Variants in CHN2 observed in about 807,000 individuals in gnomAD.
CHN2 encodes beta-chimaerin.
In CHN2, 35 loss-of-function variants were observed where a neutral mutation model predicts 56.3. That is an observed-to-expected ratio of 0.62 (90% confidence interval 0.47 to 0.82). The LOEUF (loss-of-function observed/expected upper bound fraction) is 0.82, where lower values mean the gene tolerates loss of function less well. Among genes scored for constraint, CHN2 ranks in the 40% least tolerant of loss-of-function variants. CHN2 has a pLI of 0.00. For synonymous variants in CHN2, 210 were observed against 212.8 expected, an observed-to-expected ratio of 0.99 and a Z score of 0.12; for missense variants, 491 against 580.5, an observed-to-expected ratio of 0.85 and a Z score of 1.58.
chr7:29,429,501 G>A (rs1340697755), intron 6 of CHN2, among the ~76,000 whole-genome samples: 1 of 152,166 alleles, frequency 6.6e-6, no homozygotes, highest in African/African-American at 2.4e-5. Flanking sequence ...TATAAGTTGA[G>A]AAATTGATGA....
chr7:29,182,198 G>A (rs1212098845), intron 2 of CHN2, among the ~76,000 whole-genome samples: 1 of 152,148 alleles, frequency 6.6e-6, no homozygotes, highest in Admixed American at 6.5e-5. Flanking sequence ...ATTATAAGAT[G>A]GTGACAGGAT....
chr7:29,278,296 A>G (rs908744679), intron 1 of CHN2, among the ~76,000 whole-genome samples: 2 of 152,162 alleles, frequency 1.3e-5, no homozygotes, highest in Non-Finnish European at 1.5e-5. Context: ...GGTTTCGCCA[A>G]CTTTTTCTGT....
intron 1 of CHN2, among the ~76,000 whole-genome samples, chr7:29,294,820 TATGC>T: frequency 6.6e-6 from 1 of 152,336 alleles, no homozygotes; most frequent in East Asian, 1.9e-4. Context: ...CTTCTCTATT[TATGC>T]TTGCTGAAAT....
chr7:29,352,261 C>G (rs1052416013), intron 1 of CHN2, among the ~76,000 whole-genome samples: 3 of 152,020 alleles, frequency 2.0e-5, no homozygotes, highest in Non-Finnish European at 4.4e-5. Flanking sequence ...GTTGTGCTTG[C>G]GTCATAGAGT....
chr7:29,300,646 C>CT (rs1215084603), intron 1 of CHN2, among the ~76,000 whole-genome samples: 1 of 152,204 alleles, frequency 6.6e-6, no homozygotes, highest in Non-Finnish European at 1.5e-5. Flanking sequence ...AGTGTTCAGA[C>CT]TTGAAAAGTT....
At chr7:29,429,336 G>T (rs1457980807) in intron 6 of CHN2, among the ~76,000 whole-genome samples, 1 of 152,196 alleles carries the variant, frequency 6.6e-6, no homozygotes, top group Non-Finnish European at 1.5e-5. Flanking sequence ...TTAGAATCAG[G>T]TGGTATTGCA....
In CHN2 at chr7:29,459,896, G is replaced by T. The variant is rs778992885; in HGVS notation, c.577-20383G>T. ...AAGAAGAGGCAGAGAAGAGGAAAGAGGAGCAGGACGGGGAGGAGGCATCGA... is the reference window on the plus strand; with the variant it reads ...AAGAAGAGGCAGAGAAGAGGAAAGATGAGCAGGACGGGGAGGAGGCATCGA... On this transcript the variant is annotated intron_variant, in intron 6 of 12. Coordinates refer to ENST00000222792, the MANE Select transcript of CHN2 (RefSeq NM_004067.4). 7.2e-5 allele frequency among the ~76,000 whole-genome samples: 11 copies of T among 152,326 alleles called. 1 individual carries two copies. The highest frequency in any genetic ancestry group is 2.0e-4 in the Admixed American group (3 of 15,302).
chr7:29,286,997 C>T (rs774150186), intron 1 of CHN2, among the ~76,000 whole-genome samples: 1 of 152,156 alleles, frequency 6.6e-6, no homozygotes, highest in Non-Finnish European at 1.5e-5. Flanking sequence ...CATTTACCAT[C>T]TCTAATAACT....
At chr7:29,454,559 C>G (rs1040323746) in intron 6 of CHN2, among the ~76,000 whole-genome samples, 2 of 152,190 alleles carry the variant, frequency 1.3e-5, no homozygotes, top group Admixed American at 6.5e-5. Flanking sequence ...GTAACAACCC[C>G]CAGATGTCAG....
chr7:29,261,779 T>C (rs1789575333), intron 1 of CHN2, among the ~76,000 whole-genome samples: 1 of 152,182 alleles, frequency 6.6e-6, no homozygotes, highest in South Asian at 2.1e-4. Context: ...TCTGCACAGT[T>C]TAGTGGTTAT....
At chr7:29,241,648 TTAA>T (rs1159005995) in intron 1 of CHN2, among the ~76,000 whole-genome samples, 3 of 151,972 alleles carry the variant, frequency 2.0e-5, no homozygotes, top group African/African-American at 7.2e-5. Context: ...ACACTTTTCC[TTAA>T]AGGGTGAAGG....
At chr7:29,203,356 A>G (rs1173028758) in intron 1 of CHN2, among the ~76,000 whole-genome samples, 1 of 150,566 alleles carries the variant, frequency 6.6e-6, no homozygotes, top group Admixed American at 6.7e-5. Context: ...AATCCCAGCT[A>G]TTCAGGAGGC....
At chr7:29,171,233 C>A (rs759489520) in intron 2 of CHN2, among the ~76,000 whole-genome samples, 1 of 152,144 alleles carries the variant, frequency 6.6e-6, no homozygotes, top group Non-Finnish European at 1.5e-5. Context: ...TCACCTAATA[C>A]GCGTCCTACT....
intron 2 of CHN2, among the ~76,000 whole-genome samples, chr7:29,366,494 G>T (rs1036669705): frequency 6.6e-6 from 1 of 152,206 alleles, no homozygotes; most frequent in Non-Finnish European, 1.5e-5. Flanking sequence ...ATTGGTTGAT[G>T]ATCTTATGTG....
chr7:29,376,226 C>T (rs1800067750), intron 3 of CHN2: 1 of 152,220 alleles, frequency 6.6e-6, no homozygotes, highest in South Asian at 2.1e-4. Flanking sequence ...GAAATGACAG[C>T]TATCACATAT....
At chr7:29,305,766 C>T (rs1174766810) in intron 1 of CHN2, among the ~76,000 whole-genome samples, 1 of 151,902 alleles carries the variant, frequency 6.6e-6, no homozygotes, top group Non-Finnish European at 1.5e-5. Context: ...AATCTTTCTT[C>T]CCTCTCCTCC....
At chr7:29,500,718 T>G (rs972616820) in intron 9 of CHN2, among the ~76,000 whole-genome samples, 3 of 152,180 alleles carry the variant, frequency 2.0e-5, no homozygotes, top group Non-Finnish European at 4.4e-5. Flanking sequence ...GGTGCTTCTG[T>G]TAAATAAGAA....
chr7:29,256,321 T>C (rs1789076044), intron 1 of CHN2, among the ~76,000 whole-genome samples: 1 of 152,240 alleles, frequency 6.6e-6, no homozygotes, highest in Admixed American at 6.5e-5. Context: ...TTATCTCTAA[T>C]AAAGCTGGAG....
chr7:29,234,601 G>T, intron 1 of CHN2, among the ~76,000 whole-genome samples: 1 of 152,096 alleles, frequency 6.6e-6, no homozygotes, highest in East Asian at 1.9e-4. Flanking sequence ...GTAAATGAAG[G>T]CTTTGTGAAT....
Sources: allele counts gnomAD v4.1 joint callset (sites outside exome capture counted in the v4.1 genomes callset), GRCh38; gene constraint gnomAD v4.1.1; transcripts MANE v1.5; gene names NCBI Gene and HGNC (gene_info 2026-07-23, HGNC 2026-07-21).